The following KANK1 variants were observed in gnomAD, a reference collection of about 807,000 sequenced individuals.
KANK1 encodes the protein KN motif and ankyrin repeat domains 1.
KANK1 carries 109 observed loss-of-function variants against 106.2 expected under a neutral mutation model. The ratio of observed to expected loss-of-function variants is 1.03; its 90% CI spans 0.88 to 1.20. The LOEUF is 1.20. Ranked by LOEUF, KANK1 falls within the 50% of genes most tolerant of loss-of-function variation. KANK1 has a pLI of 0.00. For synonymous variants in KANK1, 873 were observed against 652.2 expected (o/e 1.34, Z -5.16); for missense variants, 2,399 against 1,710.7 (o/e 1.40, Z -7.10).
chr9:665,135 G>C (rs1844274675), intron 1 of KANK1, among the ~76,000 whole-genome samples: 1 of 152,116 alleles, frequency 6.6e-6, no homozygotes, highest in Non-Finnish European at 1.5e-5. Flanking sequence ...CCTTGTTTGA[G>C]TGTTTCCTTT....
chr9:704,692 A>G (rs1823542201), intron 2 of KANK1, among the ~76,000 whole-genome samples: 1 of 152,130 alleles, frequency 6.6e-6, no homozygotes, highest in South Asian at 2.1e-4. Context: ...TTTAAGACAA[A>G]TGCCCAGGCC....
chr9:513,954 T>C (rs1221897058), intron 1 of KANK1, among the ~76,000 whole-genome samples: 1 of 152,038 alleles, frequency 6.6e-6, no homozygotes, highest in African/African-American at 2.4e-5. Context: ...GAGGTGGAGG[T>C]TGCAGTGAGT....
At chr9:644,807 T>C (rs992027959) in intron 1 of KANK1, among the ~76,000 whole-genome samples, 3 of 151,078 alleles carry the variant, frequency 2.0e-5, no homozygotes, top group East Asian at 1.9e-4. Context: ...AACTGAATTC[T>C]GCTGTGACAT....
intron 1 of KANK1, among the ~76,000 whole-genome samples, chr9:510,037 C>T (rs1475936103): frequency 6.6e-6 from 1 of 151,736 alleles, no homozygotes; most frequent in Non-Finnish European, 1.5e-5. Flanking sequence ...GTCTCAAACT[C>T]CTGGCCTCAA....
At chr9:557,810 G>T (rs917975421) in intron 1 of KANK1, among the ~76,000 whole-genome samples, 1 of 152,174 alleles carries the variant, frequency 6.6e-6, no homozygotes, top group Admixed American at 6.5e-5. Flanking sequence ...TGGGAGGACT[G>T]TGTGAGCCCA....
intron 2 of KANK1, among the ~76,000 whole-genome samples, chr9:696,536 G>C (rs1221025317): frequency 6.6e-6 from 1 of 152,140 alleles, no homozygotes; most frequent in Non-Finnish European, 1.5e-5. Flanking sequence ...AGATGGGAGA[G>C]TGTGGGGAAG....
In KANK1 at chr9:547,755, C is replaced by G. The variant is rs868718108; in HGVS notation, c.-84+43001C>G. On this transcript the variant is annotated intron_variant, in intron 1 of 11. Transcript: ENST00000382297. ...ATGCTTTTCTTGTGTCTCTGTATAACTGCTTGGTCTGGCACTCCACAAAAT... is the reference window on the plus strand; with the variant it reads ...ATGCTTTTCTTGTGTCTCTGTATAAGTGCTTGGTCTGGCACTCCACAAAAT... Among the ~76,000 whole-genome samples, 4 of 143,128 alleles carry G rather than the reference C, an allele frequency of 2.8e-5. 1 individual carries two copies. In the Middle Eastern group the frequency reaches 0.016, roughly 568 times the overall value. The allele number at this position is 143,128 out of a possible 152,430, so 93.9% of individuals were successfully genotyped here. A position where few individuals can be genotyped will look rare whatever the true frequency, so the allele number is the denominator to read the frequency against.
intron 7 of KANK1, among the ~76,000 whole-genome samples, chr9:736,158 C>G (rs1401461113): frequency 6.6e-6 from 1 of 152,144 alleles, no homozygotes; most frequent in Non-Finnish European, 1.5e-5. Flanking sequence ...CCGGGTTTCA[C>G]CGTGTTAGTC....
intron 1 of KANK1, among the ~76,000 whole-genome samples, chr9:536,929 C>T (rs2060331335): frequency 6.6e-6 from 1 of 152,164 alleles, no homozygotes; most frequent in Non-Finnish European, 1.5e-5. Flanking sequence ...CAGGGTGCAT[C>T]TGTTCCACCT....
intron 1 of KANK1, among the ~76,000 whole-genome samples, chr9:521,577 T>TA (rs1268051035): frequency 2.3e-4 from 35 of 150,064 alleles, no homozygotes; most frequent in Non-Finnish European, 4.9e-4. Flanking sequence ...TTTTTTTTTT[T>TA]TTTTTTTGGA....
chr9:532,826 C>T (rs577279441), intron 1 of KANK1, among the ~76,000 whole-genome samples: 1 of 149,610 alleles, frequency 6.7e-6, no homozygotes, highest in Non-Finnish European at 1.5e-5. Flanking sequence ...TTCATACCAG[C>T]AGTAGGGTCT....
chr9:686,688 C>A, intron 2 of KANK1: 1 of 881,130 alleles, frequency 1.1e-6, no homozygotes, highest in Non-Finnish European at 1.4e-6. Context: ...AACTGTTTGG[C>A]AGTGTGAGGG....
chr9:594,560 A>G (rs796096296), intron 1 of KANK1, among the ~76,000 whole-genome samples: 1 of 151,948 alleles, frequency 6.6e-6, no homozygotes, highest in Admixed American at 6.6e-5. Context: ...AAAGTGAGCC[A>G]GAAATACTCT....
chr9:710,827 G>T lies in KANK1; in HGVS notation c.61G>T (p.Gly21Ter). ...ASGKAGDILS[G>*]DQDKEQKDPY... ...AGGAAAAGCAGGTGATATTCTCAGTGGAGACCAGGACAAGGAACAGAAAGA... is the reference window on the plus strand; with the variant it reads ...AGGAAAAGCAGGTGATATTCTCAGTTGAGACCAGGACAAGGAACAGAAAGA... The change falls in exon 3 of 12, where the codon GGA (glycine) becomes TGA (stop). Residue 21 changes from glycine (G) to a stop codon, truncating the protein, a stop_gained. Coordinates refer to ENST00000382297, the MANE Select transcript of KANK1 (RefSeq NM_015158.5). LOFTEE classifies it high-confidence loss of function. 1 of 1,602,758 alleles carries T rather than the reference G, an allele frequency of 6.2e-7. No homozygotes were observed.
At chr9:505,119 C>T (rs973214543) in intron 1 of KANK1, among the ~76,000 whole-genome samples, 13 of 152,220 alleles carry the variant, frequency 8.5e-5, no homozygotes, top group African/African-American at 2.9e-4. Flanking sequence ...GTGCGGGCGC[C>T]TGGCTACCCC....
Position 712,616 on chromosome 9 carries a change from A to C in KANK1, c.1850A>C (p.Lys617Thr), listed in dbSNP as rs768663564. 1.2e-6 allele frequency: 2 copies of C among 1,614,214 alleles called. No individual in the cohort carries two copies. Among genetic ancestry groups the C allele is most frequent in the Non-Finnish European group, 1.7e-6 (2 of 1,180,034 alleles). The stretch of plus-strand genomic sequence containing the variant: ...TCTGTGAACGACCTCACACTCCTCA[A>C]GACAAACTTGAATCTCAAAGAAGTG... ...EESVNDLTLL[K>T]TNLNLKEVRS... is the part of the protein sequence containing the mutation. Residue 617 changes from lysine (K) to threonine (T), a missense_variant, in exon 3 of 12, where the codon AAG (lysine) becomes ACG (threonine). By Grantham distance (78) the Lys-to-Thr change is moderately conservative. Coordinates refer to ENST00000382297, the MANE Select transcript of KANK1 (RefSeq NM_015158.5).
intron 1 of KANK1, among the ~76,000 whole-genome samples, chr9:621,008 C>A (rs1270712568): frequency 1.3e-5 from 2 of 152,044 alleles, no homozygotes; most frequent in Non-Finnish European, 1.5e-5. Flanking sequence ...TTATTATCTC[C>A]CATCTGATCT....
At chr9:730,388 CTT>C (rs1244626050) in intron 4 of KANK1, 140 bp downstream of exon 4, 2 of 930,592 alleles carry the variant, frequency 2.1e-6, no homozygotes, top group Non-Finnish European at 3.3e-6. Flanking sequence ...CCCAGAATAT[CTT>C]TAAATAAGGT....
At chr9:476,372 T>G (rs2058102958) in intron 3 of KANK1, among the ~76,000 whole-genome samples, 1 of 151,990 alleles carries the variant, frequency 6.6e-6, no homozygotes, top group Non-Finnish European at 1.5e-5. Flanking sequence ...AATACAAACA[T>G]TAGCCGAGCA....
Sources: gnomAD v4.1 joint callset for allele counts (sites outside exome capture counted in the v4.1 genomes callset) on GRCh38, gnomAD v4.1.1 for gene constraint, MANE v1.5 for transcripts, NCBI Gene and HGNC (gene_info 2026-07-23, HGNC 2026-07-21) for gene names.